The following CCDC88B variants were observed in gnomAD, a reference collection of about 807,000 sequenced individuals.
CCDC88B encodes the protein coiled-coil and HOOK domain protein 88B.
Under a neutral mutation model 183.7 loss-of-function variants are expected in CCDC88B, and 138 were observed. The ratio of observed to expected loss-of-function variants is 0.75; its 90% CI spans 0.65 to 0.87. The LOEUF (loss-of-function observed/expected upper bound fraction) is 0.87. Ranked by LOEUF, CCDC88B falls within the 40% of genes least tolerant of loss-of-function variation. The pLI, the probability that CCDC88B is intolerant of heterozygous loss-of-function variation, is 0.00. For synonymous variants in CCDC88B, 835 were observed against 867.5 expected (o/e 0.96, Z 0.66); for missense variants, 1,822 against 1,965.6 (o/e 0.93, Z 1.38).
intron 10 of CCDC88B, 33 bp downstream of exon 10, chr11:64,342,713 T>A: frequency 6.9e-7 from 1 of 1,440,780 alleles, no homozygotes; most frequent in Non-Finnish European, 9.1e-7. Flanking sequence ...GGGCGGGGCG[T>A]GCGCGAGGGG....
intron 1 of CCDC88B, 111 bp downstream of exon 1, chr11:64,340,437 T>C: frequency 8.2e-7 from 1 of 1,223,130 alleles, no homozygotes; most frequent in Non-Finnish European, 1.1e-6. Context: ...AGGGGAGGGC[T>C]GGGTTCAAAT....
At chr11:64,343,750 G>T (rs372591639) in intron 12 of CCDC88B, 28 bp from the exon 13 acceptor site, 2 of 1,538,070 alleles carry the variant, frequency 1.3e-6, no homozygotes, top group Non-Finnish European at 1.8e-6. Flanking sequence ...AGTAAAGGAG[G>T]GGTCCTGACC....
rs1392375553 is a variant in CCDC88B at position 64,341,735 on chromosome 11, G to A, written c.668G>A (p.Gly223Glu). The change falls in exon 7 of 27, where the codon GGG becomes GAG. Residue 223 changes from glycine (G) to glutamate (E), a missense_variant. Transcript: ENST00000356786. ...LSKLARERDL[G>E]AQRLAELLLE... ...AAGCTGGCACGGGAGCGTGACCTGG[G>A]GGCCCAGGTAGGGGCAGCAGGGGCA... The A allele has an allele frequency of 3.8e-6, 6 of 1,568,228 alleles. No homozygotes were observed. The African/African-American group carries it at 4.1e-5, about 11-fold the overall frequency.
chr11:64,342,947 A>AGAAGGGCGGGGCCTGCAC lies in CCDC88B; in HGVS notation c.1063-231_1063-214dup, dbSNP rs1435732050. On this transcript the variant is annotated intron_variant, in intron 10 of 26. Transcript: ENST00000356786. ...CGGGGGGGAGGGGCGGGGCATGGAC[A>AGAAGGGCGGGGCCTGCAC]GAAGGGCGGGGCCTGCACAAAGGGC... 13 of 518,174 alleles carry AGAAGGGCGGGGCCTGCAC rather than the reference A, an allele frequency of 2.5e-5. No individual in the cohort carries two copies. In the African/African-American group the frequency reaches 2.6e-4, roughly 11 times the overall value. 32.1% of individuals were successfully genotyped at this position (518,174 alleles called of 1,614,324 possible).
intron 15 of CCDC88B, 31 bp from the exon 16 acceptor site, chr11:64,349,520 T>TGGGGGG: frequency 2.4e-6 from 1 of 423,960 alleles, no homozygotes; most frequent in Non-Finnish European, 3.8e-6. Flanking sequence ...GAGGGTGGGG[T>TGGGGGG]GGGGCTGGGT....
At position 64,349,167 on chromosome 11, in the gene CCDC88B, G is replaced by T. The variant is rs1732437247; in HGVS notation, c.2617-164G>T. 18 of 855,252 alleles carry T rather than the reference G, an allele frequency of 2.1e-5. No individual in the cohort carries two copies. In the South Asian group the frequency reaches 2.7e-4, roughly 13 times the overall value. The allele number at this position is 855,252 out of a possible 1,614,324, so 53.0% of individuals were successfully genotyped here. A position where few individuals can be genotyped will look rare whatever the true frequency, so the allele number is the denominator to read the frequency against. ...TTCATGCCCAATTTCAAGGGCCCCA[G>T]GCTTTGCTCCCATTTTATAGATGGG... On this transcript the variant is annotated intron_variant, in intron 14 of 26. Coordinates refer to ENST00000356786, the MANE Select transcript of CCDC88B (RefSeq NM_032251.6).
At chr11:64,351,299 A>G in intron 17 of CCDC88B, 44 bp downstream of exon 17, 3 of 1,493,106 alleles carry the variant, frequency 2.0e-6, no homozygotes, top group Non-Finnish European at 2.7e-6. Flanking sequence ...TGCCCCGTGC[A>G]GTGTGAGTGT....
chr11:64,355,712 C>A, intron 26 of CCDC88B, 84 bp downstream of exon 26: 1 of 1,311,076 alleles, frequency 7.6e-7, no homozygotes. Flanking sequence ...TTCTTTCATT[C>A]GACAATGATC....
chr11:64,357,499 G>C lies in CCDC88B; in HGVS notation c.*405G>C. On this transcript the variant is annotated 3_prime_UTR_variant, in exon 27 of 27. Coordinates refer to ENST00000356786, the MANE Select transcript of CCDC88B (RefSeq NM_032251.6). The stretch of plus-strand genomic sequence containing the variant: ...GATCTTGAGCCTTAACTGGACATGA[G>C]GGGCATGAGAATAAAGCTGAACTGC... 4.3e-6 allele frequency: 3 copies of C among 705,670 alleles called. No individual in the cohort carries two copies. Among genetic ancestry groups the C allele is most frequent in the Non-Finnish European group, 7.9e-6 (3 of 377,638 alleles). 43.7% of individuals were successfully genotyped at this position (705,670 alleles called of 1,614,324 possible).
chr11:64,342,351 C>T lies in CCDC88B; in HGVS notation c.879C>T (p.Ala293=). ...DSQAEVQGLE[A]EIRRLRQEAQ... is the part of the protein sequence containing the mutation. ...AGGCCGAGGTGCAGGGTTTGGAGGC[C>T]GAAATAAGAAGGCTCCGCCAGGAGG... is the stretch of plus-strand genomic sequence containing the variant. The change falls in exon 9 of 27, where the codon GCC becomes GCT. Residue 293 remains alanine, a synonymous_variant. Transcript: ENST00000356786. 1 of 1,592,550 alleles carries T rather than the reference C, an allele frequency of 6.3e-7. No homozygotes were observed. The highest frequency in any genetic ancestry group is 1.8e-5 in the Admixed American group (1 of 56,666).
At chr11:64,347,324 G>A (rs569896185) in intron 14 of CCDC88B, among the ~76,000 whole-genome samples, 135 of 152,336 alleles carry the variant, frequency 8.9e-4, no homozygotes, top group African/African-American at 1.4e-3. Context: ...TCAGGTCTGC[G>A]TGTGAAAAGG....
At chr11:64,342,823 G>A (rs1314477720) in intron 10 of CCDC88B, 143 bp downstream of exon 10, 8 of 1,031,054 alleles carry the variant, frequency 7.8e-6, no homozygotes, top group African/African-American at 3.3e-5. Flanking sequence ...GACAAATTCA[G>A]GGAGGTGGCG....
intron 14 of CCDC88B, chr11:64,348,972 C>T (rs758241716): frequency 3.9e-5 from 28 of 717,516 alleles, no homozygotes; most frequent in Middle Eastern, 2.3e-4. Flanking sequence ...CTAGCTGTCT[C>T]GCTGTCACAT....
chr11:64,355,593 C>G lies in CCDC88B; in HGVS notation c.4340C>G (p.Thr1447Ser). ...PGVGWENSAE[T>S]LQEHETDANR... is the part of the protein sequence containing the mutation. The stretch of plus-strand genomic sequence containing the variant: ...GTGGGATGGGAGAACTCCGCTGAGA[C>G]CCTGCAGGAACACGAAACAGATGCC... Residue 1447 changes from threonine (T) to serine (S), a missense_variant, in exon 26 of 27, where the codon ACC (threonine) becomes AGC (serine). By Grantham distance (58) the Thr-to-Ser change is moderately conservative (BLOSUM62 1). Coordinates refer to ENST00000356786, the MANE Select transcript of CCDC88B (RefSeq NM_032251.6). The G allele has an allele frequency of 6.2e-7, 1 of 1,612,648 alleles. No individual in the cohort carries two copies. The highest frequency in any genetic ancestry group is 8.5e-7 in the Non-Finnish European group (1 of 1,179,570).
In CCDC88B at chr11:64,345,093, G is replaced by A. The variant is rs1591283933; in HGVS notation, c.2552G>A (p.Ser851Asn). The A allele has an allele frequency of 1.3e-6, 2 of 1,551,194 alleles. No homozygotes were observed. Among genetic ancestry groups the A allele is most frequent in the Non-Finnish European group, 1.7e-6 (2 of 1,151,296 alleles). The change falls in exon 14 of 27, where the codon AGC (serine) becomes AAC (asparagine). Residue 851 changes from serine (S) to asparagine (N), a missense_variant. Coordinates refer to ENST00000356786, the MANE Select transcript of CCDC88B (RefSeq NM_032251.6). ...GAGGAACGGATGCAGGTGCTGGAGAGCGAGGGCCGCCAGCACTTGGAGGAG... is the reference window on the plus strand; with the variant it reads ...GAGGAACGGATGCAGGTGCTGGAGAACGAGGGCCGCCAGCACTTGGAGGAG... ...AAEERMQVLE[S>N]EGRQHLEEAE...
rs1269064453 is a variant in CCDC88B, at chr11:64,352,895, C to A, written c.3500+8C>A. ...TCAGAGCGAGCACGACAGGTGCCGC[C>A]CCTGCCACAGCCTCTAGCAGCTCTC... is the stretch of plus-strand genomic sequence containing the variant. On this transcript the variant is annotated splice_region_variant and intron_variant, in intron 20 of 26. Coordinates refer to ENST00000356786, the MANE Select transcript of CCDC88B (RefSeq NM_032251.6). 6.4e-7 allele frequency: 1 copy of A among 1,572,754 alleles called. No individual in the cohort carries two copies. The highest frequency in any genetic ancestry group is 1.3e-5 in the African/African-American group (1 of 74,074).
intron 23 of CCDC88B, 23 bp from the exon 24 acceptor site, chr11:64,353,981 C>T (rs759919959): frequency 3.3e-6 from 5 of 1,512,460 alleles, no homozygotes; most frequent in African/African-American, 1.4e-5. Flanking sequence ...TCCTGACCCC[C>T]TCTTGTGCCC....
rs1340732012 is a variant in CCDC88B, at chr11:64,349,631, A to G, written c.2825A>G (p.Lys942Arg). ...TSKEEALMEL[K>R]TRALQLEEEL... ...AAGGAGGAGGCGCTGATGGAGCTCA[A>G]GACCAGGGCCCTGCAGCTGGAAGAG... is the stretch of plus-strand genomic sequence containing the variant. Residue 942 changes from lysine to arginine, a missense_variant, in exon 16 of 27, where the codon AAG becomes AGG. Physicochemically the swap from Lys to Arg is conservative, Grantham distance 26. Transcript: ENST00000356786. 3 of 1,600,002 alleles carry G rather than the reference A, an allele frequency of 1.9e-6. No homozygotes were observed. Among genetic ancestry groups the G allele is most frequent in the East Asian group, 4.5e-5 (2 of 44,384 alleles).
At position 64,341,730 on chromosome 11, in the gene CCDC88B, C is replaced by G; in HGVS notation, c.663C>G (p.Asp221Glu). 1 of 1,571,326 alleles carries G rather than the reference C, an allele frequency of 6.4e-7. No homozygotes were observed. The highest frequency in any genetic ancestry group is 1.2e-5 in the South Asian group (1 of 84,324). The change falls in exon 7 of 27, where the codon GAC becomes GAG. Residue 221 changes from aspartate (D) to glutamate (E), a missense_variant. Coordinates refer to ENST00000356786, the MANE Select transcript of CCDC88B (RefSeq NM_032251.6). ...GTLSKLARER[D>E]LGAQRLAELL... ...TGTCGAAGCTGGCACGGGAGCGTGA[C>G]CTGGGGGCCCAGGTAGGGGCAGCAG...
Sources: gnomAD v4.1 joint callset for allele counts (sites outside exome capture counted in the v4.1 genomes callset) on GRCh38, gnomAD v4.1.1 for gene constraint, MANE v1.5 for transcripts, NCBI Gene and HGNC (gene_info 2026-07-23, HGNC 2026-07-21) for gene names.